Variants in ABCC4 observed in about 807,000 individuals in gnomAD.
The protein encoded by ABCC4 is ATP-binding cassette sub-family C member 4.
A neutral mutation model predicts 168.5 loss-of-function variants in ABCC4; 102 were observed. The observed-to-expected ratio is 0.61, with a 90% CI of 0.52 to 0.71. The LOEUF (loss-of-function observed/expected upper bound fraction) is 0.71, where lower values mean the gene tolerates loss of function less well. ABCC4 is among the 30% of genes least tolerant of loss of function. The pLI is 0.00. For synonymous variants in ABCC4, 617 were observed against 590.7 expected, an observed-to-expected ratio of 1.04 and a Z score of -0.65; for missense variants, 1,402 against 1,605.8, an observed-to-expected ratio of 0.87 and a Z score of 2.17.
At chr13:95,149,606 T>G (rs1238171612) in intron 19 of ABCC4, among the ~76,000 whole-genome samples, 1 of 152,172 alleles carries the variant, frequency 6.6e-6, no homozygotes, top group Non-Finnish European at 1.5e-5. Flanking sequence ...TCTCTACTTT[T>G]AAATATGTAA....
chr13:95,233,443 A>G (rs901011816), intron 4 of ABCC4, among the ~76,000 whole-genome samples: 3 of 152,090 alleles, frequency 2.0e-5, no homozygotes, highest in African/African-American at 7.2e-5. Flanking sequence ...GTGGGAGGTA[A>G]TCATTGGGTA....
At chr13:95,085,647 C>A (rs867503496) in intron 20 of ABCC4, among the ~76,000 whole-genome samples, 2 of 152,278 alleles carry the variant, frequency 1.3e-5, no homozygotes, top group East Asian at 3.9e-4. Flanking sequence ...GTCTTCTCAG[C>A]ACCACCACCT....
intron 20 of ABCC4, among the ~76,000 whole-genome samples, chr13:95,111,002 C>A (rs112327943): frequency 0.027 from 3,843 of 143,300 alleles, 186 homozygotes; most frequent in African/African-American, 0.093. Flanking sequence ...AAAAAAAAAA[C>A]CACAGAAAAA....
intron 4 of ABCC4, among the ~76,000 whole-genome samples, chr13:95,211,049 T>G (rs1467309822): frequency 6.6e-6 from 1 of 152,064 alleles, no homozygotes; most frequent in African/African-American, 2.4e-5. Flanking sequence ...CAAAAGGACA[T>G]AAGTTTCTAC....
intron 1 of ABCC4, among the ~76,000 whole-genome samples, 189 bp downstream of exon 1, chr13:95,301,052 G>C (rs1306952176): frequency 6.6e-6 from 1 of 152,068 alleles, no homozygotes; most frequent in African/African-American, 2.4e-5. Flanking sequence ...CGCAGGCAGG[G>C]ACCACGCGGC....
At chr13:95,285,954 A>G (rs1367877828) in intron 1 of ABCC4, among the ~76,000 whole-genome samples, 4 of 151,752 alleles carry the variant, frequency 2.6e-5, no homozygotes, top group African/African-American at 9.7e-5. Flanking sequence ...CTGACCAACT[A>G]CCTTTTATCA....
chr13:95,256,410 T>G (rs903915609), intron 1 of ABCC4, among the ~76,000 whole-genome samples: 3 of 152,252 alleles, frequency 2.0e-5, no homozygotes, highest in African/African-American at 7.2e-5. Flanking sequence ...GGGCTCATTG[T>G]TGCCAAGATC....
chr13:95,146,623 G>A (rs887767941), intron 19 of ABCC4, among the ~76,000 whole-genome samples: 1 of 152,172 alleles, frequency 6.6e-6, no homozygotes, highest in Non-Finnish European at 1.5e-5. Context: ...AACCGATAGG[G>A]ACAATAACAA....
Position 95,021,386 on chromosome 13 carries a change from T to G in ABCC4, c.*189A>C. The G allele has an allele frequency of 1.9e-6, 1 of 528,854 alleles. No homozygotes were observed. The allele number at this position is 528,854 out of a possible 1,614,324, so 32.8% of individuals were successfully genotyped here. A position where few individuals can be genotyped will look rare whatever the true frequency, so the allele number is the denominator to read the frequency against. On this transcript the variant is annotated 3_prime_UTR_variant, in exon 31 of 31. Coordinates refer to ENST00000645237, the MANE Select transcript of ABCC4 (RefSeq NM_005845.5). The stretch of plus-strand genomic sequence containing the variant: ...GGATTTTAAAAAACAACTATTGACA[T>G]TTAAATAAAAATAAACCATTTTGTT...
At chr13:95,161,930 T>A (rs750130844) in intron 18 of ABCC4, 1 of 152,254 alleles carries the variant, frequency 6.6e-6, no homozygotes, top group Admixed American at 6.5e-5. Context: ...CTGTTTTACA[T>A]AGACACAAGA....
Position 95,246,135 on chromosome 13 carries a change from G to A in ABCC4, c.306+840C>T, listed in dbSNP as rs560121303. Among the ~76,000 whole-genome samples the A allele has an allele frequency of 1.3e-5, 2 of 152,236 alleles. 1 individual carries two copies. The highest frequency in any genetic ancestry group is 1.3e-4 in the Admixed American group (2 of 15,280). On this transcript the variant is annotated intron_variant, in intron 3 of 30. Coordinates refer to ENST00000645237, the MANE Select transcript of ABCC4 (RefSeq NM_005845.5). The stretch of plus-strand genomic sequence containing the variant: ...TGTCTTTCTGCAGATCTCAAGAGAG[G>A]CCCTTCGGGGTAACAGAGGTTATTG...
At chr13:95,085,201 G>A (rs1193012590) in intron 20 of ABCC4, among the ~76,000 whole-genome samples, 22 of 152,108 alleles carry the variant, frequency 1.4e-4, no homozygotes, top group Admixed American at 1.4e-3. Flanking sequence ...CACTTTGGGA[G>A]GCAGAGGCGG....
chr13:95,060,932 C>T (rs542850783), intron 26 of ABCC4, among the ~76,000 whole-genome samples: 3 of 152,254 alleles, frequency 2.0e-5, no homozygotes, highest in Non-Finnish European at 2.9e-5. Context: ...CTGGTGACGA[C>T]GCTTCTCCTT....
intron 3 of ABCC4, among the ~76,000 whole-genome samples, chr13:95,242,684 CAATA>C (rs2039981176): frequency 6.6e-6 from 1 of 152,122 alleles, no homozygotes; most frequent in Non-Finnish European, 1.5e-5. Context: ...CATGCCTGGC[CAATA>C]AATAGCTTTA....
At chr13:95,231,515 T>G (rs1386289167) in intron 4 of ABCC4, among the ~76,000 whole-genome samples, 1 of 152,194 alleles carries the variant, frequency 6.6e-6, no homozygotes, top group East Asian at 1.9e-4. Flanking sequence ...CAGTGGAAAC[T>G]GCCAGTGTCG....
intron 19 of ABCC4, among the ~76,000 whole-genome samples, chr13:95,152,158 C>G (rs771012259): frequency 1.3e-5 from 2 of 152,164 alleles, no homozygotes; most frequent in Non-Finnish European, 2.9e-5. Flanking sequence ...TCCAAAGAAC[C>G]AATGTACGGT....
chr13:95,258,057 C>G (rs979959482), intron 1 of ABCC4, among the ~76,000 whole-genome samples: 1 of 152,104 alleles, frequency 6.6e-6, no homozygotes, highest in Non-Finnish European at 1.5e-5. Context: ...AGAACCAGAT[C>G]CCATTTGTCC....
chr13:95,261,428 C>T (rs1313517096), intron 1 of ABCC4, among the ~76,000 whole-genome samples: 2 of 151,966 alleles, frequency 1.3e-5, no homozygotes, highest in African/African-American at 4.8e-5. Flanking sequence ...CCACCCTGGG[C>T]GACAGAGCAA....
chr13:95,103,227 T>C (rs999404640), intron 20 of ABCC4, among the ~76,000 whole-genome samples: 5 of 152,100 alleles, frequency 3.3e-5, no homozygotes, highest in African/African-American at 1.2e-4. Flanking sequence ...ATCACGCCAC[T>C]GCACTCCAGC....
Sources: gnomAD v4.1 joint callset for allele counts (sites outside exome capture counted in the v4.1 genomes callset) on GRCh38, gnomAD v4.1.1 for gene constraint, MANE v1.5 for transcripts, NCBI Gene and HGNC (gene_info 2026-07-23, HGNC 2026-07-21) for gene names.